The following IQCH variants were observed in gnomAD, a reference collection of about 807,000 sequenced individuals.
The protein encoded by IQCH is IQ domain-containing protein H.
A neutral mutation model predicts 117.0 loss-of-function variants in IQCH; 98 were observed. That is an observed-to-expected ratio of 0.84 (90% CI 0.71 to 0.99). The LOEUF is 0.99. Among genes scored for constraint, IQCH ranks in the 50% least tolerant of loss-of-function variants. IQCH has a pLI of 0.00. For missense variants in IQCH, 1,102 were observed against 1,243.8 expected (o/e 0.89, Z 1.72); for synonymous variants, 412 against 448.2 (o/e 0.92, Z 1.02).
chr15:67,455,183 T>C (rs539354660), intron 16 of IQCH, among the ~76,000 whole-genome samples: 1 of 152,312 alleles, frequency 6.6e-6, no homozygotes, highest in East Asian at 1.9e-4. Flanking sequence ...CAGCAAAGAT[T>C]GATTGGGCAC....
In IQCH at chr15:67,436,748, T is replaced by C. The variant is rs2082146288; in HGVS notation, c.2505+15171T>C. ...AGTGAGACCGGCCCTTTGGTTTGCA[T>C]GGGAGCTGGGTGAGGCCTGTGACTG... On this transcript the variant is annotated intron_variant, in intron 16 of 20. Transcript: ENST00000335894. This position sits in a 1 kb window ranked among gnomAD's most constrained non-coding sequence, Gnocchi z 5.1. 1.3e-5 allele frequency among the ~76,000 whole-genome samples: 2 copies of C among 152,148 alleles called. No homozygotes were observed. The highest frequency in any genetic ancestry group is 1.3e-4 in the Admixed American group (2 of 15,278).
intron 5 of IQCH, among the ~76,000 whole-genome samples, chr15:67,340,439 A>AC (rs1380182866): frequency 2.3e-5 from 3 of 132,194 alleles, no homozygotes; most frequent in East Asian, 2.3e-4. Context: ...AAAAAAAAAA[A>AC]AAAAAAAAAA....
At position 67,453,363 on chromosome 15, in the gene IQCH, C is replaced by T. The variant is rs993086687; in HGVS notation, c.2506-11764C>T. Reference sequence around the variant, plus strand: ...TTTCCCATCTTTGTGGTTTTATCTACCTTTGGTCTTTGATGATGGTGACGT... The same window carrying T: ...TTTCCCATCTTTGTGGTTTTATCTATCTTTGGTCTTTGATGATGGTGACGT... On this transcript the variant is annotated intron_variant, in intron 16 of 20. Coordinates refer to ENST00000335894, the MANE Select transcript of IQCH (RefSeq NM_001031715.3). This position sits in a 1 kb window ranked among gnomAD's most constrained non-coding sequence, Gnocchi z 5.8. Among the ~76,000 whole-genome samples, 14 of 151,770 alleles carry T rather than the reference C, an allele frequency of 9.2e-5. No individual in the cohort carries two copies. Among genetic ancestry groups the T allele is most frequent in the Non-Finnish European group, 1.8e-4 (12 of 68,026 alleles).
chr15:67,480,006 A>G (rs975660316), intron 18 of IQCH, among the ~76,000 whole-genome samples: 1 of 152,226 alleles, frequency 6.6e-6, no homozygotes, highest in African/African-American at 2.4e-5. Context: ...GAATACCCCC[A>G]CTGACTTCCT....
chr15:67,350,796 A>G (rs1375548021), intron 6 of IQCH, among the ~76,000 whole-genome samples: 1 of 152,210 alleles, frequency 6.6e-6, no homozygotes, highest in Non-Finnish European at 1.5e-5. Context: ...TTATAAAAGT[A>G]TACACTAAAA....
intron 14 of IQCH, among the ~76,000 whole-genome samples, chr15:67,402,275 T>G (rs969065350): frequency 6.6e-6 from 1 of 152,212 alleles, no homozygotes; most frequent in Non-Finnish European, 1.5e-5. Flanking sequence ...AGAAATCTCC[T>G]TACAGTCTGA....
At chr15:67,352,409 T>G (rs1410956276) in intron 6 of IQCH, among the ~76,000 whole-genome samples, 1 of 152,108 alleles carries the variant, frequency 6.6e-6, no homozygotes, top group African/African-American at 2.4e-5. Context: ...TCTTCATTCC[T>G]TGTTGCATCT....
chr15:67,285,927 G>T (rs1966545217), intron 4 of IQCH, among the ~76,000 whole-genome samples: 1 of 152,024 alleles, frequency 6.6e-6, no homozygotes. Context: ...TGGCTCTTTT[G>T]TGGCTCCATA....
At chr15:67,368,097 T>G (rs1340525714) in intron 8 of IQCH, among the ~76,000 whole-genome samples, 1 of 152,126 alleles carries the variant, frequency 6.6e-6, no homozygotes, top group East Asian at 1.9e-4. Flanking sequence ...ATAAGGAAAT[T>G]TAGGTTCAGA....
chr15:67,400,026 T>G, intron 13 of IQCH, 88 bp from the exon 14 acceptor site: 4 of 983,872 alleles, frequency 4.1e-6, no homozygotes, highest in South Asian at 1.5e-5. Flanking sequence ...TAAAGACACA[T>G]GAGAAGTACA....
At chr15:67,423,170 T>C (rs552575430) in intron 16 of IQCH, among the ~76,000 whole-genome samples, 1 of 152,244 alleles carries the variant, frequency 6.6e-6, no homozygotes, top group African/African-American at 2.4e-5. Flanking sequence ...ACTCTCCCTG[T>C]GGTGGAGGCA....
At position 67,476,878 on chromosome 15, in the gene IQCH, TA is replaced by T. The variant is rs548103227; in HGVS notation, c.2799+1063del. On this transcript the variant is annotated intron_variant, in intron 18 of 20. Coordinates refer to ENST00000335894, the MANE Select transcript of IQCH (RefSeq NM_001031715.3). This position sits in a 1 kb window ranked among gnomAD's most constrained non-coding sequence, Gnocchi z 4.1. ...CTTAAAATATATTCATCTCCCACAT[TA>T]AATATAAGGTATATATAATGACATA... 3.9e-5 allele frequency among the ~76,000 whole-genome samples: 6 copies of T among 152,234 alleles called. No homozygotes were observed. The highest frequency in any genetic ancestry group is 3.4e-3 in the Middle Eastern group (1 of 294).
intron 10 of IQCH, among the ~76,000 whole-genome samples, chr15:67,378,114 ACT>A (rs1970800286): frequency 6.6e-6 from 1 of 152,008 alleles, no homozygotes; most frequent in South Asian, 2.1e-4. Flanking sequence ...TTGCTTCCTA[ACT>A]CTGTGCTCTT....
At position 67,359,889 on chromosome 15, in the gene IQCH, T is replaced by C; in HGVS notation, c.753+4T>C. On this transcript the variant is annotated splice_donor_region_variant and intron_variant, in intron 8 of 20. Transcript: ENST00000335894. The surrounding 1 kb of genome is among the most constrained non-coding windows in gnomAD (Gnocchi z 4.5). ...AAGAGGACATCATGATAGGAAGGTCTGTAATTTGTGTGACTAGTTGAAATT... is the reference window on the plus strand; with the variant it reads ...AAGAGGACATCATGATAGGAAGGTCCGTAATTTGTGTGACTAGTTGAAATT... 1 of 1,611,264 alleles carries C rather than the reference T, an allele frequency of 6.2e-7. No homozygotes were observed. Among genetic ancestry groups the C allele is most frequent in the Non-Finnish European group, 8.5e-7 (1 of 1,177,442 alleles).
intron 16 of IQCH, among the ~76,000 whole-genome samples, chr15:67,439,188 T>C (rs1476541151): frequency 1.3e-5 from 2 of 152,086 alleles, no homozygotes; most frequent in Non-Finnish European, 2.9e-5. Flanking sequence ...TTTAAGAAAA[T>C]TGAAATTATA....
chr15:67,341,794 C>T (rs953337249), intron 5 of IQCH, among the ~76,000 whole-genome samples: 26 of 152,010 alleles, frequency 1.7e-4, no homozygotes, highest in African/African-American at 5.8e-4. Context: ...ATTTATAAAT[C>T]GAGAATATTT....
chr15:67,320,050 G>A (rs1020483190), intron 4 of IQCH, among the ~76,000 whole-genome samples: 9 of 152,146 alleles, frequency 5.9e-5, no homozygotes, highest in Non-Finnish European at 1.0e-4. Context: ...GGTTTGCTTA[G>A]GCATCTCTTC....
At chr15:67,292,925 A>G (rs1966800130) in intron 4 of IQCH, among the ~76,000 whole-genome samples, 1 of 152,176 alleles carries the variant, frequency 6.6e-6, no homozygotes, top group Admixed American at 6.5e-5. Context: ...TTTTATTTCT[A>G]AAGCAGAGGG....
Position 67,406,554 on chromosome 15 carries a change from A to G in IQCH, c.2097+6249A>G, listed in dbSNP as rs1971913974. 6.6e-6 allele frequency: 1 copy of G among 152,206 alleles called. No individual in the cohort carries two copies. Among genetic ancestry groups the G allele is most frequent in the Non-Finnish European group, 1.5e-5 (1 of 68,044 alleles). 9.4% of individuals were successfully genotyped at this position (152,206 alleles called of 1,614,324 possible). ...CAGAAACACCCTGTTTTTTAAAAAAATAAGCAACCAAATATTTTGTTTTTG... is the reference window on the plus strand; with the variant it reads ...CAGAAACACCCTGTTTTTTAAAAAAGTAAGCAACCAAATATTTTGTTTTTG... On this transcript the variant is annotated intron_variant, in intron 14 of 20. Transcript: ENST00000335894. This position sits in a 1 kb window ranked among gnomAD's most constrained non-coding sequence, Gnocchi z 4.5.
Sources: gnomAD v4.1 joint callset for allele counts (sites outside exome capture counted in the v4.1 genomes callset) on GRCh38, gnomAD v4.1.1 for gene constraint, Gnocchi (gnomAD v3.1) non-coding constraint, MANE v1.5 for transcripts, NCBI Gene and HGNC (gene_info 2026-07-23, HGNC 2026-07-21) for gene names.